The following ATG2B variants were observed in gnomAD, a reference collection of about 807,000 sequenced individuals.
The protein encoded by ATG2B is autophagy related 2B.
In ATG2B, 121 loss-of-function variants were observed where a neutral mutation model predicts 241.3. The ratio of observed to expected loss-of-function variants is 0.50; its 90% CI spans 0.43 to 0.58. The LOEUF is 0.58. Ranked by LOEUF, ATG2B falls within the 20% of genes least tolerant of loss-of-function variation. ATG2B has a pLI of 0.00. For missense variants in ATG2B, 2,306 were observed against 2,491.6 expected (o/e 0.93, Z 1.59); for synonymous variants, 858 against 876.6 (o/e 0.98, Z 0.37).
chr14:96,295,730 C>T (rs897856468), intron 34 of ATG2B, among the ~76,000 whole-genome samples, 170 bp from the exon 35 acceptor site: 2 of 150,802 alleles, frequency 1.3e-5, no homozygotes, highest in Non-Finnish European at 3.0e-5. Flanking sequence ...CCCCCCACCA[C>T]ACACACACAC....
intron 6 of ATG2B, among the ~76,000 whole-genome samples, chr14:96,339,271 A>AGTGTGT (rs34822684): frequency 1.6e-4 from 23 of 147,564 alleles, no homozygotes; most frequent in African/African-American, 4.2e-4. Context: ...GCAATTCCAC[A>AGTGTGT]GTGTGTGTGT....
At position 96,324,017 on chromosome 14, in the gene ATG2B, T is replaced by TGGA. The variant is rs1887527624; in HGVS notation, c.2438-20_2438-19insTCC. The stretch of plus-strand genomic sequence containing the variant: ...AACGATCCTAAAAAAAAAGACTGAT[T>TGGA]TACTGAAATGTGCTTCTTCTCAAGT... On this transcript the variant is annotated intron_variant, in intron 15 of 41. Transcript: ENST00000359933. The TGGA allele has an allele frequency of 6.6e-7, 1 of 1,514,742 alleles. No homozygotes were observed. The highest frequency in any genetic ancestry group is 1.4e-5 in the African/African-American group (1 of 71,508). The allele number at this position is 1,514,742 out of a possible 1,614,324, so 93.8% of individuals were successfully genotyped here.
At chr14:96,344,902 C>T (rs550295975) in intron 3 of ATG2B, 146 bp from the exon 4 acceptor site, 7 of 505,472 alleles carry the variant, frequency 1.4e-5, no homozygotes, top group Non-Finnish European at 2.4e-5. Context: ...ATCCTTAAAT[C>T]CTGAGTTTTG....
rs1161678304 is a variant in ATG2B, at chr14:96,292,025, C to T, written c.5496+4G>A. 3 of 1,583,364 alleles carry T rather than the reference C, an allele frequency of 1.9e-6. No individual in the cohort carries two copies. In the African/African-American group the frequency reaches 4.1e-5, roughly 21 times the overall value. ...TGTGGAGTATATTTGTAGAGTTTCC[C>T]AACCTGATCCATTGATACATGTTTG... On this transcript the variant is annotated splice_donor_region_variant and intron_variant, in intron 37 of 41. Transcript: ENST00000359933.
intron 1 of ATG2B, among the ~76,000 whole-genome samples, chr14:96,356,261 C>A (rs1010636756): frequency 2.0e-5 from 3 of 151,888 alleles, no homozygotes; most frequent in African/African-American, 7.3e-5. Context: ...CTATTTTATA[C>A]CTACATTTAC....
chr14:96,305,619 A>T lies in ATG2B; in HGVS notation c.4703T>A (p.Val1568Asp). Residue 1568 changes from valine (V) to aspartate (D), a missense_variant, in exon 31 of 42, where the codon GTC (valine) becomes GAC (aspartate). Transcript: ENST00000359933. Reference sequence around the variant, plus strand: ...ACTTTTAGCCGGAGAAGTGGGAGGGACTATTCCAAAATCCTTTCCTCCATA... The same window carrying T: ...ACTTTTAGCCGGAGAAGTGGGAGGGTCTATTCCAAAATCCTTTCCTCCATA... The part of the protein sequence containing the change: ...HLYGGKDFGI[V>D]PPTSPAKSYI... 8 of 1,613,684 alleles carry T rather than the reference A, an allele frequency of 5.0e-6. No homozygotes were observed. The highest frequency in any genetic ancestry group is 6.8e-6 in the Non-Finnish European group (8 of 1,179,590).
At position 96,313,437 on chromosome 14, in the gene ATG2B, T is replaced by A; in HGVS notation, c.3643-2A>T. The A allele has an allele frequency of 6.6e-7, 1 of 1,511,184 alleles. No individual in the cohort carries two copies. The highest frequency in any genetic ancestry group is 8.9e-7 in the Non-Finnish European group (1 of 1,122,168). 93.6% of individuals were successfully genotyped at this position (1,511,184 alleles called of 1,614,324 possible). A position where few individuals can be genotyped will look rare whatever the true frequency, so the allele number is the denominator to read the frequency against. ...AGCAATATTCAAGAAGTATAAAATC[T>A]ATAATCACAAAAAATTAAAACGCCC... On this transcript the variant is annotated splice_acceptor_variant, in intron 23 of 41. Coordinates refer to ENST00000359933, the MANE Select transcript of ATG2B (RefSeq NM_018036.7). LOFTEE classifies it high-confidence loss of function.
At chr14:96,314,246 C>A (rs1887242066) in intron 23 of ATG2B, among the ~76,000 whole-genome samples, 1 of 152,176 alleles carries the variant, frequency 6.6e-6, no homozygotes, top group Admixed American at 6.5e-5. Context: ...TTTCCCAGCA[C>A]AATTAAGAAG....
chr14:96,343,780 C>T (rs961440580), intron 4 of ATG2B, among the ~76,000 whole-genome samples: 1 of 152,152 alleles, frequency 6.6e-6, no homozygotes, highest in Non-Finnish European at 1.5e-5. Context: ...TTAAACAAAA[C>T]ACATAAGGTG....
At chr14:96,298,070 C>G (rs1305644547) in intron 34 of ATG2B, among the ~76,000 whole-genome samples, 1 of 152,146 alleles carries the variant, frequency 6.6e-6, no homozygotes, top group East Asian at 1.9e-4. Context: ...GGTAGGATTA[C>G]AGGCATGAGT....
At chr14:96,324,894 T>A (rs764662161) in intron 15 of ATG2B, among the ~76,000 whole-genome samples, 2 of 151,646 alleles carry the variant, frequency 1.3e-5, no homozygotes, top group Non-Finnish European at 2.9e-5. Context: ...TGCAAACTAT[T>A]CTCATGAGGG....
Position 96,280,719 on chromosome 14 carries a change from A to T in ATG2B, c.*5036T>A, listed in dbSNP as rs370220950. On this transcript the variant is annotated 3_prime_UTR_variant, in exon 42 of 42. Coordinates refer to ENST00000359933, the MANE Select transcript of ATG2B (RefSeq NM_018036.7). ...AACACGGTGAAACCTCGTCTCTACT[A>T]AAAAAACAAAAAATTTGTGGGGCGT... The T allele has an allele frequency of 1.3e-5, 2 of 152,100 alleles. No homozygotes were observed. The highest frequency in any genetic ancestry group is 4.8e-5 in the African/African-American group (2 of 41,468). 9.4% of individuals were successfully genotyped at this position (152,100 alleles called of 1,614,324 possible).
At chr14:96,294,469 C>T (rs1036773145) in intron 36 of ATG2B, among the ~76,000 whole-genome samples, 2 of 152,144 alleles carry the variant, frequency 1.3e-5, no homozygotes, top group African/African-American at 4.8e-5. Context: ...AGCAGCACAG[C>T]GGACCTGGGT....
At chr14:96,297,894 C>T (rs576059722) in intron 34 of ATG2B, among the ~76,000 whole-genome samples, 31 of 152,208 alleles carry the variant, frequency 2.0e-4, no homozygotes, top group African/African-American at 6.7e-4. Context: ...TGAGTTCAAG[C>T]GATCCTCCCA....
intron 41 of ATG2B, among the ~76,000 whole-genome samples, chr14:96,286,586 AATG>A (rs1218479614): frequency 1.3e-5 from 2 of 152,184 alleles, no homozygotes; most frequent in South Asian, 2.1e-4. Flanking sequence ...ATAATAAAAT[AATG>A]ATGATTGCTA....
chr14:96,312,920 T>C (rs749726966), intron 25 of ATG2B, 145 bp downstream of exon 25: 18 of 439,664 alleles, frequency 4.1e-5, no homozygotes, highest in South Asian at 6.2e-5. Flanking sequence ...CTGAGAAAAA[T>C]TGGGTAATTT....
At chr14:96,300,306 G>A (rs1886755327) in intron 34 of ATG2B, among the ~76,000 whole-genome samples, 1 of 152,180 alleles carries the variant, frequency 6.6e-6, no homozygotes, top group East Asian at 1.9e-4. Flanking sequence ...GATTACTTGA[G>A]CCCAGGAGTT....
chr14:96,305,619 A>G lies in ATG2B; in HGVS notation c.4703T>C (p.Val1568Ala), dbSNP rs1336521249. 1 of 1,613,684 alleles carries G rather than the reference A, an allele frequency of 6.2e-7. No individual in the cohort carries two copies. The highest frequency in any genetic ancestry group is 1.3e-5 in the African/African-American group (1 of 75,048). ...HLYGGKDFGI[V>A]PPTSPAKSYI... ...ACTTTTAGCCGGAGAAGTGGGAGGG[A>G]CTATTCCAAAATCCTTTCCTCCATA... is the stretch of plus-strand genomic sequence containing the variant. Residue 1568 changes from valine (V) to alanine (A), a missense_variant, in exon 31 of 42, where the codon GTC becomes GCC. Coordinates refer to ENST00000359933, the MANE Select transcript of ATG2B (RefSeq NM_018036.7).
At chr14:96,291,916 A>C in intron 37 of ATG2B, 113 bp downstream of exon 37, 1 of 752,068 alleles carries the variant, frequency 1.3e-6, no homozygotes, top group Non-Finnish European at 2.1e-6. Context: ...AAAACCTTGC[A>C]CTTCATTTCA....
Sources: allele counts gnomAD v4.1 joint callset (sites outside exome capture counted in the v4.1 genomes callset), GRCh38; gene constraint gnomAD v4.1.1; transcripts MANE v1.5; gene names NCBI Gene and HGNC (gene_info 2026-07-23, HGNC 2026-07-21).